The following CLDN10 variants were observed in gnomAD, a reference collection of about 807,000 sequenced individuals.
CLDN10 encodes the protein claudin 10, also known as claudin-10.
CLDN10 carries 15 observed loss-of-function variants against 22.9 expected under a neutral mutation model. That is an observed-to-expected ratio of 0.65 (90% CI 0.44 to 1.01). CLDN10 has a LOEUF of 1.01. Ranked by LOEUF, CLDN10 falls within the 50% of genes least tolerant of loss-of-function variation. The pLI, the probability that CLDN10 is intolerant of heterozygous loss-of-function variation, is 0.00. For missense variants in CLDN10, 247 were observed against 287.8 expected, an observed-to-expected ratio of 0.86 and a Z score of 1.03; for synonymous variants, 114 against 111.4, an observed-to-expected ratio of 1.02 and a Z score of -0.15.
intron 1 of CLDN10, among the ~76,000 whole-genome samples, chr13:95,468,845 A>G (rs2042603478): frequency 6.6e-6 from 1 of 152,172 alleles, no homozygotes; most frequent in East Asian, 1.9e-4. Context: ...TTACCATAAA[A>G]CACATCATGT....
intron 1 of CLDN10, among the ~76,000 whole-genome samples, chr13:95,439,001 G>T (rs1014088535): frequency 1.3e-5 from 2 of 149,556 alleles, no homozygotes; most frequent in Non-Finnish European, 1.5e-5. Flanking sequence ...AAAAAAAAGC[G>T]GAGGGTAAAG....
upstream of CLDN10, among the ~76,000 whole-genome samples, chr13:95,548,125 G>A (rs535955046): frequency 2.2e-4 from 34 of 152,274 alleles, 1 homozygote; most frequent in South Asian, 5.8e-3. Flanking sequence ...ATACTGCCCC[G>A]ACCTGGGTGG....
intron 3 of CLDN10, among the ~76,000 whole-genome samples, chr13:95,574,257 T>C (rs1297754298): frequency 2.0e-5 from 3 of 152,060 alleles, no homozygotes; most frequent in African/African-American, 4.8e-5. Context: ...GTCTGTGATA[T>C]GTGTCTTTCA....
At chr13:95,558,239 G>T (rs936781741) in intron 1 of CLDN10, among the ~76,000 whole-genome samples, 2 of 152,150 alleles carry the variant, frequency 1.3e-5, no homozygotes, top group Admixed American at 1.3e-4. Flanking sequence ...ACTTGCAAGG[G>T]ACTGACAGGC....
intron 1 of CLDN10, among the ~76,000 whole-genome samples, chr13:95,554,672 C>T (rs2043611394): frequency 6.6e-6 from 1 of 152,164 alleles, no homozygotes; most frequent in East Asian, 1.9e-4. Flanking sequence ...CATGACACTA[C>T]CTACTGTTGT....
chr13:95,470,955 T>C (rs1479984474), intron 1 of CLDN10, among the ~76,000 whole-genome samples: 1 of 151,992 alleles, frequency 6.6e-6, no homozygotes, highest in Non-Finnish European at 1.5e-5. Context: ...GGCTCTGAGA[T>C]AGGTGCTGGG....
At chr13:95,520,973 A>C (rs1445998574) in intron 1 of CLDN10, among the ~76,000 whole-genome samples, 1 of 152,132 alleles carries the variant, frequency 6.6e-6, no homozygotes, top group Non-Finnish European at 1.5e-5. Flanking sequence ...AAAAAAAAAA[A>C]CAGCAAAATT....
At chr13:95,473,999 G>C (rs2042661060) in intron 1 of CLDN10, among the ~76,000 whole-genome samples, 1 of 152,202 alleles carries the variant, frequency 6.6e-6, no homozygotes, top group Non-Finnish European at 1.5e-5. Flanking sequence ...GTTTTTCCAC[G>C]GACGGGGGTC....
At chr13:95,515,905 C>T (rs1313833161) in intron 1 of CLDN10, among the ~76,000 whole-genome samples, 1 of 151,998 alleles carries the variant, frequency 6.6e-6, no homozygotes, top group East Asian at 1.9e-4. Flanking sequence ...GAAACCCCAT[C>T]TCTACTAAAA....
At chr13:95,437,283 A>C (rs1434621487) in intron 1 of CLDN10, among the ~76,000 whole-genome samples, 1 of 152,238 alleles carries the variant, frequency 6.6e-6, no homozygotes, top group Non-Finnish European at 1.5e-5. Context: ...CTGTGAAATA[A>C]ACCGTAGGAA....
At chr13:95,453,579 G>C (rs773914692) in intron 1 of CLDN10, among the ~76,000 whole-genome samples, 2 of 152,058 alleles carry the variant, frequency 1.3e-5, no homozygotes, top group Non-Finnish European at 2.9e-5. Flanking sequence ...AGTTACTAGG[G>C]AGGCTCAGGC....
At chr13:95,538,213 G>A (rs2043422057) in intron 1 of CLDN10, among the ~76,000 whole-genome samples, 1 of 114,068 alleles carries the variant, frequency 8.8e-6, no homozygotes, top group Non-Finnish European at 1.6e-5. Flanking sequence ...TTGGCTCACT[G>A]CAACCTCTGC....
At chr13:95,478,172 G>C (rs188473630) in intron 1 of CLDN10, among the ~76,000 whole-genome samples, 1 of 152,152 alleles carries the variant, frequency 6.6e-6, no homozygotes, top group Non-Finnish European at 1.5e-5. Context: ...GCTGGACATG[G>C]TGGTGCATGC....
intron 1 of CLDN10, among the ~76,000 whole-genome samples, chr13:95,527,216 C>T (rs1357726246): frequency 6.6e-6 from 1 of 152,182 alleles, no homozygotes; most frequent in Non-Finnish European, 1.5e-5. Flanking sequence ...TTCTGTTAGG[C>T]AGCTTACTGT....
intron 1 of CLDN10, among the ~76,000 whole-genome samples, chr13:95,506,953 A>C: frequency 6.6e-6 from 1 of 152,156 alleles, no homozygotes; most frequent in Non-Finnish European, 1.5e-5. Flanking sequence ...GGCCGGGCTG[A>C]ACATAGAACC....
chr13:95,542,996 C>T (rs1428769999), intron 1 of CLDN10, among the ~76,000 whole-genome samples: 1 of 152,036 alleles, frequency 6.6e-6, no homozygotes, highest in Non-Finnish European at 1.5e-5. Context: ...CTTTGGGAGG[C>T]CAAGGCAGGT....
chr13:95,505,309 C>A (rs888569113), intron 1 of CLDN10, among the ~76,000 whole-genome samples: 1 of 152,000 alleles, frequency 6.6e-6, no homozygotes, highest in African/African-American at 2.4e-5. Flanking sequence ...TTAGCAGAAC[C>A]CACTCATTTT....
chr13:95,572,448 T>C (rs985122364), intron 3 of CLDN10, among the ~76,000 whole-genome samples: 7 of 152,130 alleles, frequency 4.6e-5, no homozygotes, highest in Admixed American at 6.5e-5. Context: ...CCCAGAGCCT[T>C]AGTTTCCTCA....
upstream of CLDN10, among the ~76,000 whole-genome samples, chr13:95,549,208 C>T (rs1190104965): frequency 1.3e-5 from 2 of 152,178 alleles, no homozygotes; most frequent in Admixed American, 1.3e-4. Context: ...CTATTGTTAA[C>T]TAAGATGTTA....
Sources: gnomAD v4.1 joint callset for allele counts (sites outside exome capture counted in the v4.1 genomes callset) on GRCh38, gnomAD v4.1.1 for gene constraint, MANE v1.5 for transcripts, NCBI Gene and HGNC (gene_info 2026-07-23, HGNC 2026-07-21) for gene names.